The following BMERB1 variants were observed in gnomAD, a reference collection of about 807,000 sequenced individuals.
BMERB1 encodes the protein bMERB domain containing 1.
In BMERB1, 12 loss-of-function variants were observed where a neutral mutation model predicts 23.6. That is an observed-to-expected ratio of 0.51 (90% CI 0.33 to 0.82). The LOEUF (loss-of-function observed/expected upper bound fraction) is 0.82. Among genes scored for constraint, BMERB1 ranks in the 40% least tolerant of loss-of-function variants. The pLI is 0.03. For synonymous variants in BMERB1, 122 were observed against 96.6 expected, an observed-to-expected ratio of 1.26 and a Z score of -1.54; for missense variants, 247 against 255.4, an observed-to-expected ratio of 0.97 and a Z score of 0.22.
intron 1 of BMERB1, among the ~76,000 whole-genome samples, chr16:15,462,139 T>C (rs947391940): frequency 9.6e-5 from 1 of 10,368 alleles, no homozygotes; most frequent in African/African-American, 3.5e-4. Flanking sequence ...TGTCCTGCCT[T>C]TTTTTTTTTT....
chr16:15,444,123 G>GTTTTTTTTTTTTTTGTTTTTTTTTT (rs2050966802), intron 1 of BMERB1, among the ~76,000 whole-genome samples: 6 of 35,610 alleles, frequency 1.7e-4, no homozygotes, highest in Admixed American at 9.9e-4. Flanking sequence ...CACCAGCTTT[G>GTTTTTTTTTTTTTTGTTTTTTTTTT]TTTTTTTTTT....
chr16:15,546,959 T>C (rs1323910024), intron 2 of BMERB1, among the ~76,000 whole-genome samples: 1 of 152,076 alleles, frequency 6.6e-6, no homozygotes, highest in African/African-American at 2.4e-5. Context: ...AGCAAAACTG[T>C]TGGAGGATTT....
At chr16:15,586,037 G>C (rs1294480680) in intron 5 of BMERB1, among the ~76,000 whole-genome samples, 1 of 152,062 alleles carries the variant, frequency 6.6e-6, no homozygotes, top group Non-Finnish European at 1.5e-5. Flanking sequence ...AAAAGAATAA[G>C]TAGACATGCA....
At chr16:15,515,025 T>A (rs941142784) in intron 1 of BMERB1, among the ~76,000 whole-genome samples, 2 of 152,018 alleles carry the variant, frequency 1.3e-5, no homozygotes, top group Non-Finnish European at 2.9e-5. Flanking sequence ...GAGCTTGCAG[T>A]GAGCCGAGAT....
At chr16:15,559,030 T>C (rs968325151) in intron 2 of BMERB1, among the ~76,000 whole-genome samples, 3 of 151,258 alleles carry the variant, frequency 2.0e-5, no homozygotes, top group South Asian at 2.1e-4. Context: ...TTAAAACTTA[T>C]ATAGCTAAAA....
intron 2 of BMERB1, among the ~76,000 whole-genome samples, chr16:15,565,273 C>T (rs756245760): frequency 5.3e-5 from 8 of 152,166 alleles, no homozygotes; most frequent in Non-Finnish European, 8.8e-5. Flanking sequence ...TGTGTGTACT[C>T]AGTTGAGCCT....
intron 1 of BMERB1, among the ~76,000 whole-genome samples, chr16:15,493,335 G>T (rs1353559468): frequency 2.6e-5 from 4 of 152,218 alleles, no homozygotes; most frequent in Admixed American, 6.5e-5. Context: ...AACTGTCACA[G>T]TGTAGAAGAG....
intron 1 of BMERB1, among the ~76,000 whole-genome samples, chr16:15,483,281 T>A (rs1167453704): frequency 6.6e-6 from 1 of 152,246 alleles, no homozygotes; most frequent in Non-Finnish European, 1.5e-5. Context: ...GAACATGGAA[T>A]GATACATTCT....
intron 3 of BMERB1, among the ~76,000 whole-genome samples, chr16:15,571,204 T>G (rs1238036291): frequency 6.6e-6 from 1 of 152,090 alleles, no homozygotes; most frequent in Non-Finnish European, 1.5e-5. Flanking sequence ...ACCAAAAATG[T>G]CTATAGATGT....
intron 1 of BMERB1, among the ~76,000 whole-genome samples, chr16:15,506,894 A>G (rs1157681692): frequency 6.6e-6 from 1 of 152,172 alleles, no homozygotes; most frequent in East Asian, 1.9e-4. Flanking sequence ...GAGTAGCAGG[A>G]TCTAGACAGA....
At chr16:15,470,493 T>G (rs1188134340) in intron 1 of BMERB1, among the ~76,000 whole-genome samples, 1 of 151,934 alleles carries the variant, frequency 6.6e-6, no homozygotes, top group Non-Finnish European at 1.5e-5. Flanking sequence ...ACAAGATTCA[T>G]AAAATGAGTG....
chr16:15,581,881 A>G (rs922006975), intron 4 of BMERB1, among the ~76,000 whole-genome samples: 1 of 152,206 alleles, frequency 6.6e-6, no homozygotes, highest in Non-Finnish European at 1.5e-5. Context: ...AAAGCTGTAC[A>G]TGTTGGTTCT....
chr16:15,454,563 C>T (rs925490583), intron 1 of BMERB1, among the ~76,000 whole-genome samples: 3 of 152,148 alleles, frequency 2.0e-5, no homozygotes, highest in South Asian at 4.1e-4. Context: ...GAGGCCAAGG[C>T]GGGTGGATCA....
At chr16:15,526,954 CATATT>C (rs1036849119) in intron 2 of BMERB1, among the ~76,000 whole-genome samples, 25 of 146,714 alleles carry the variant, frequency 1.7e-4, no homozygotes, top group African/African-American at 5.9e-4. Flanking sequence ...TATAATAAAT[CATATT>C]TTATTATATT....
chr16:15,512,876 C>T (rs2051688435), intron 1 of BMERB1, among the ~76,000 whole-genome samples: 1 of 148,300 alleles, frequency 6.7e-6, no homozygotes, highest in South Asian at 2.1e-4. Flanking sequence ...GATACTCCGT[C>T]TCAAAAAAAA....
chr16:15,571,987 C>A (rs1046351396), intron 3 of BMERB1, among the ~76,000 whole-genome samples: 1 of 152,144 alleles, frequency 6.6e-6, no homozygotes, highest in African/African-American at 2.4e-5. Flanking sequence ...GCCGGGGATC[C>A]TATTGCTGCC....
intron 2 of BMERB1, among the ~76,000 whole-genome samples, chr16:15,551,434 A>C (rs773995267): frequency 1.3e-5 from 2 of 152,212 alleles, no homozygotes; most frequent in Non-Finnish European, 2.9e-5. Flanking sequence ...CCTAGATGTC[A>C]ATGGGATAAC....
chr16:15,482,652 A>G (rs1263570719), intron 1 of BMERB1, among the ~76,000 whole-genome samples: 1 of 152,184 alleles, frequency 6.6e-6, no homozygotes, highest in Non-Finnish European at 1.5e-5. Context: ...GAAATCACTG[A>G]CAAAGCAAAG....
chr16:15,580,253 CAT>C lies in BMERB1; in HGVS notation c.305-963_305-962del, dbSNP rs35174473. ...CTGAGACTACAGGAACACTCCATCA[CAT>C]GTGGCTAATTTACAGAGAAAATTTT... is the stretch of plus-strand genomic sequence containing the variant. On this transcript the variant is annotated intron_variant, in intron 3 of 5. Coordinates refer to ENST00000300006, the MANE Select transcript of BMERB1 (RefSeq NM_033201.3). 4.0e-3 allele frequency among the ~76,000 whole-genome samples: 612 copies of C among 152,136 alleles called. 7 individuals carry two copies. The highest frequency in any genetic ancestry group is 0.011 in the Admixed American group (161 of 15,278).
Sources: gnomAD v4.1 joint callset for allele counts (sites outside exome capture counted in the v4.1 genomes callset) on GRCh38, gnomAD v4.1.1 for gene constraint, MANE v1.5 for transcripts, NCBI Gene and HGNC (gene_info 2026-07-23, HGNC 2026-07-21) for gene names.